Variants in ABCC1 observed in about 807,000 individuals in gnomAD.
The protein encoded by ABCC1 is ATP binding cassette subfamily C member 1 (ABCC1 blood group), also known as multidrug resistance-associated protein 1.
ABCC1 carries 83 observed loss-of-function variants against 172.9 expected under a neutral mutation model. The observed-to-expected ratio is 0.48, with a 90% CI of 0.40 to 0.58. ABCC1 has a LOEUF of 0.58. ABCC1 is among the 20% of genes least tolerant of loss of function. ABCC1 has a pLI of 0.00. For missense variants in ABCC1, 1,817 were observed against 2,002.7 expected (o/e 0.91, Z 1.77); for synonymous variants, 937 against 825.2 (o/e 1.14, Z -2.32).
intron 28 of ABCC1, 117 bp downstream of exon 28, chr16:16,134,625 CTTTTTTT>C (rs67073334): frequency 9.2e-3 from 3,240 of 352,800 alleles, no homozygotes; most frequent in East Asian, 0.017. Context: ...CTTCATCGTT[CTTTTTTT>C]TTTTTTTTTT....
intron 2 of ABCC1, 40 bp downstream of exon 2, chr16:16,008,032 T>A: frequency 9.9e-7 from 1 of 1,010,216 alleles, no homozygotes; most frequent in Non-Finnish European, 1.5e-6. Flanking sequence ...GGTGGGAAGG[T>A]GCACCTGGAC....
chr16:16,066,574 C>T (rs1331561199), intron 12 of ABCC1, among the ~76,000 whole-genome samples: 3 of 152,014 alleles, frequency 2.0e-5, no homozygotes, highest in Non-Finnish European at 4.4e-5. Flanking sequence ...AGAAGTCTAT[C>T]ATGTAGATAC....
chr16:16,031,328 A>C (rs1018989857), intron 5 of ABCC1, among the ~76,000 whole-genome samples: 5 of 152,122 alleles, frequency 3.3e-5, no homozygotes, highest in African/African-American at 1.2e-4. Flanking sequence ...CTGCTGCTAA[A>C]GCTTGTGTTT....
intron 1 of ABCC1, among the ~76,000 whole-genome samples, chr16:15,994,409 G>A (rs2151645501): frequency 6.6e-6 from 1 of 152,262 alleles, no homozygotes; most frequent in South Asian, 2.1e-4. Flanking sequence ...AAAGGGGAGA[G>A]TTTTAATAGT....
intron 3 of ABCC1, among the ~76,000 whole-genome samples, chr16:16,012,221 G>A (rs544990691): frequency 6.6e-6 from 1 of 152,292 alleles, no homozygotes; most frequent in East Asian, 1.9e-4. Flanking sequence ...GTACAGAGAG[G>A]AGAAGGACTG....
rs745482174 is a variant in ABCC1 at position 16,131,803 on chromosome 16, C to A, written c.3834C>A (p.Ile1278=). The change falls in exon 27 of 31, where the codon ATC becomes ATA. Residue 1278 remains isoleucine, a synonymous_variant. Transcript: ENST00000399410. ...TGCGATCGAAGGCGCCCTGGCAAATCCAGGAGACAGCTCCGCCCAGCAGCT... is the reference window on the plus strand; with the variant it reads ...TGCGATCGAAGGCGCCCTGGCAAATACAGGAGACAGCTCCGCCCAGCAGCT... ...SETEKEAPWQ[I]QETAPPSSWP... 7 of 1,613,614 alleles carry A rather than the reference C, an allele frequency of 4.3e-6. No individual in the cohort carries two copies. The African/African-American group carries it at 9.3e-5, about 22-fold the overall frequency.
At chr16:16,099,451 A>C (rs1476021778) in intron 19 of ABCC1, among the ~76,000 whole-genome samples, 2 of 152,212 alleles carry the variant, frequency 1.3e-5, no homozygotes, top group Admixed American at 6.5e-5. Context: ...TTAGGGTCCC[A>C]GCCAAGGGCT....
chr16:16,013,070 T>G (rs2047852873), intron 3 of ABCC1, among the ~76,000 whole-genome samples: 1 of 152,144 alleles, frequency 6.6e-6, no homozygotes, highest in Non-Finnish European at 1.5e-5. Context: ...TTTTGACTCC[T>G]CAGGGGACTC....
At chr16:15,989,245 C>G (rs1448748927) in intron 1 of ABCC1, among the ~76,000 whole-genome samples, 1 of 152,016 alleles carries the variant, frequency 6.6e-6, no homozygotes, top group African/African-American at 2.4e-5. Context: ...GGGCTTTATT[C>G]TTAGCTCTGC....
intron 1 of ABCC1, among the ~76,000 whole-genome samples, chr16:15,978,362 C>T (rs766836243): frequency 6.6e-6 from 1 of 151,738 alleles, no homozygotes; most frequent in Non-Finnish European, 1.5e-5. Flanking sequence ...AGTGAAACCC[C>T]ATCTCAAACA....
chr16:15,961,548 G>A (rs2046131944), intron 1 of ABCC1, among the ~76,000 whole-genome samples: 2 of 152,174 alleles, frequency 1.3e-5, no homozygotes, highest in South Asian at 4.1e-4. Flanking sequence ...GATGGTTGTT[G>A]ATGATAGTTT....
chr16:16,007,729 C>G, intron 1 of ABCC1, 87 bp from the exon 2 acceptor site: 6 of 1,350,184 alleles, frequency 4.4e-6, no homozygotes, highest in Non-Finnish European at 6.1e-6. Context: ...TTCTTCAAAC[C>G]CCGTGGCAGC....
chr16:16,059,964 C>CT (rs2049841006), intron 12 of ABCC1, among the ~76,000 whole-genome samples: 2 of 152,112 alleles, frequency 1.3e-5, no homozygotes, highest in African/African-American at 4.8e-5. Flanking sequence ...CCACTGCACT[C>CT]TAAGCCTGGG....
chr16:16,090,988 G>A (rs2051229866), intron 19 of ABCC1, among the ~76,000 whole-genome samples: 1 of 152,082 alleles, frequency 6.6e-6, no homozygotes, highest in Non-Finnish European at 1.5e-5. Context: ...GAGATGTGAG[G>A]GTTGTGAGGT....
intron 12 of ABCC1, among the ~76,000 whole-genome samples, chr16:16,067,536 A>G (rs2050157194): frequency 6.6e-6 from 1 of 152,204 alleles, no homozygotes; most frequent in African/African-American, 2.4e-5. Flanking sequence ...TTAAAAGCCT[A>G]TCATGACTTC....
chr16:16,116,570 C>CT (rs1021218032), intron 23 of ABCC1, among the ~76,000 whole-genome samples: 42 of 148,194 alleles, frequency 2.8e-4, no homozygotes, highest in Middle Eastern at 6.9e-3. Context: ...ATTTTTATTA[C>CT]TTTTTTTTTT....
chr16:16,130,000 C>T (rs1199476069), intron 26 of ABCC1, among the ~76,000 whole-genome samples: 1 of 152,242 alleles, frequency 6.6e-6, no homozygotes, highest in Non-Finnish European at 1.5e-5. Context: ...GGTGCATTCC[C>T]CGAGGCTAAA....
rs766959007 is a variant in ABCC1, at chr16:16,108,574, C to CT, written c.2871+1715dup. Among the ~76,000 whole-genome samples the CT allele has an allele frequency of 5.4e-3, 741 of 137,732 alleles. 8 individuals carry two copies. The highest frequency in any genetic ancestry group is 0.016 in the African/African-American group (594 of 37,586). 90.4% of individuals were successfully genotyped at this position (137,732 alleles called of 152,430 possible). A position where few individuals can be genotyped will look rare whatever the true frequency, so the allele number is the denominator to read the frequency against. On this transcript the variant is annotated intron_variant, in intron 21 of 30. Transcript: ENST00000399410. The stretch of plus-strand genomic sequence containing the variant: ...ATAGGCATGAGCCACTGCGCCCGGC[C>CT]TTTTTTTTTTTTTTAATTTGTTTTC...
intron 1 of ABCC1, among the ~76,000 whole-genome samples, chr16:15,991,268 G>T (rs2046859709): frequency 6.6e-6 from 1 of 151,800 alleles, no homozygotes; most frequent in Non-Finnish European, 1.5e-5. Flanking sequence ...TCGCAGGGAA[G>T]CTTTGTGTGT....
Sources: allele counts gnomAD v4.1 joint callset (sites outside exome capture counted in the v4.1 genomes callset), GRCh38; gene constraint gnomAD v4.1.1; transcripts MANE v1.5; gene names NCBI Gene and HGNC (gene_info 2026-07-23, HGNC 2026-07-21).